Variants in GOLGA3 observed in about 807,000 individuals in gnomAD.
The protein encoded by GOLGA3 is golgin subfamily A member 3.
GOLGA3 carries 75 observed loss-of-function variants against 169.4 expected under a neutral mutation model. The observed-to-expected ratio is 0.44, with a 90% CI of 0.37 to 0.54. The LOEUF is 0.54. Among genes scored for constraint, GOLGA3 ranks in the 20% least tolerant of loss-of-function variants. The pLI is 0.00. For missense variants in GOLGA3, 1,899 were observed against 1,930.0 expected, an observed-to-expected ratio of 0.98 and a Z score of 0.30; for synonymous variants, 824 against 822.4, an observed-to-expected ratio of 1.00 and a Z score of -0.03.
At chr12:132,822,814 C>G (rs921631843) in intron 1 of GOLGA3, among the ~76,000 whole-genome samples, 1 of 152,126 alleles carries the variant, frequency 6.6e-6, no homozygotes, top group Non-Finnish European at 1.5e-5. Flanking sequence ...CCCAGCTACT[C>G]GGGAGGCTGA....
chr12:132,805,667 A>G (rs1248059960), intron 6 of GOLGA3, among the ~76,000 whole-genome samples: 2 of 151,942 alleles, frequency 1.3e-5, no homozygotes, highest in African/African-American at 4.8e-5. Context: ...CCGTCACAGA[A>G]AAAGGCGACT....
intron 11 of GOLGA3, among the ~76,000 whole-genome samples, chr12:132,794,333 TAAAAAAAAAA>T (rs1218754773): frequency 1.5e-5 from 2 of 132,432 alleles, no homozygotes; most frequent in East Asian, 2.2e-4. Context: ...CGTATCTATT[TAAAAAAAAAA>T]AAAAAAAAAA....
rs748018303 is a variant in GOLGA3, at chr12:132,804,960, C to A, written c.1353G>T (p.Ala451=). Residue 451 remains alanine, a synonymous_variant, in exon 7 of 24, where the codon GCG becomes GCT. Transcript: ENST00000450791. The surrounding 1 kb of genome is among the most constrained non-coding windows in gnomAD (Gnocchi z 4.1). ...GGCTGCTGTGGCTGCACTCCACCTGCGCCTGCAGCTTCGTGCTGAGGGCGG... is the reference window on the plus strand; with the variant it reads ...GGCTGCTGTGGCTGCACTCCACCTGAGCCTGCAGCTTCGTGCTGAGGGCGG... ...QLAALSTKLQ[A]QVECSHSSQQ... 6.2e-7 allele frequency: 1 copy of A among 1,613,160 alleles called. No individual in the cohort carries two copies. The highest frequency in any genetic ancestry group is 2.2e-5 in the East Asian group (1 of 44,880).
Position 132,769,420 on chromosome 12 carries a change from A to G in GOLGA3, c.*3685T>C, listed in dbSNP as rs759986856. 3.3e-5 allele frequency: 5 copies of G among 152,248 alleles called. No individual in the cohort carries two copies. The highest frequency in any genetic ancestry group is 7.3e-5 in the Non-Finnish European group (5 of 68,048). The allele number at this position is 152,248 out of a possible 1,614,324, so 9.4% of individuals were successfully genotyped here. On this transcript the variant is annotated 3_prime_UTR_variant, in exon 24 of 24. Coordinates refer to ENST00000450791, the MANE Select transcript of GOLGA3 (RefSeq NM_001389683.1). The stretch of plus-strand genomic sequence containing the variant: ...AAGGAGAGTTGAGGGCCAGCTCCTT[A>G]GCGCAGCACAGCACGGACTGTGTTC...
Position 132,816,691 on chromosome 12 carries a change from G to A in GOLGA3, c.255C>T (p.Thr85=), listed in dbSNP as rs771903256. The change falls in exon 3 of 24, where the codon ACC becomes ACT. Residue 85 remains threonine, a synonymous_variant. Coordinates refer to ENST00000450791, the MANE Select transcript of GOLGA3 (RefSeq NM_001389683.1). ...FPDPPSSLDP[T]TSPVGPDASP... is the part of the protein sequence containing the mutation. ...AGGCATCAGGGCCCACTGGGCTTGT[G>A]GTGGGATCGAGAGACGACGGAGGGT... is the stretch of plus-strand genomic sequence containing the variant. 2.4e-4 allele frequency: 395 copies of A among 1,614,040 alleles called. 1 individual carries two copies. The highest frequency in any genetic ancestry group is 3.3e-4 in the Non-Finnish European group (384 of 1,180,006).
At chr12:132,825,240 C>A (rs1017913983) in intron 1 of GOLGA3, among the ~76,000 whole-genome samples, 1 of 151,924 alleles carries the variant, frequency 6.6e-6, no homozygotes, top group Non-Finnish European at 1.5e-5. Context: ...AAGGAACCGA[C>A]GGTGTGTGCC....
At chr12:132,813,164 A>T (rs1949798485) in intron 4 of GOLGA3, 143 bp downstream of exon 4, 1 of 627,514 alleles carries the variant, frequency 1.6e-6, no homozygotes, top group Non-Finnish European at 2.9e-6. Flanking sequence ...CAATTGGCAG[A>T]TTTAGAAATA....
chr12:132,772,543 C>CCAAA lies in GOLGA3; in HGVS notation c.*561_*562insTTTG, dbSNP rs776077686. The CCAAA allele has an allele frequency of 6.5e-4, 56 of 86,178 alleles. No individual in the cohort carries two copies. The highest frequency in any genetic ancestry group is 2.7e-3 in the African/African-American group (56 of 20,736). 5.3% of individuals were successfully genotyped at this position (86,178 alleles called of 1,614,324 possible). A position where few individuals can be genotyped will look rare whatever the true frequency, so the allele number is the denominator to read the frequency against. ...TGGGCAACAAAGCGAGACTCTGTCT[C>CCAAA]AAAAAAAAAAAAAAAAAAAAAACAA... is the stretch of plus-strand genomic sequence containing the variant. On this transcript the variant is annotated 3_prime_UTR_variant, in exon 24 of 24. Transcript: ENST00000450791.
intron 14 of GOLGA3, 57 bp downstream of exon 14, chr12:132,786,636 C>G (rs181678569): frequency 1.7e-4 from 183 of 1,062,686 alleles, no homozygotes; most frequent in African/African-American, 1.5e-3. Flanking sequence ...GCCTCCCCCC[C>G]GGCCCCCGCA....
chr12:132,780,139 C>T (rs975399493), intron 18 of GOLGA3, among the ~76,000 whole-genome samples: 19 of 134,244 alleles, frequency 1.4e-4, no homozygotes, highest in South Asian at 4.8e-4. Flanking sequence ...CCCAGGCACA[C>T]GTGTGTACAG....
chr12:132,801,840 T>C lies in GOLGA3; in HGVS notation c.1727A>G (p.Gln576Arg), dbSNP rs145557212. 8.7e-4 allele frequency: 1,398 copies of C among 1,609,054 alleles called. 12 individuals are homozygous for C. Among genetic ancestry groups the C allele is most frequent in the South Asian group, 7.2e-3 (659 of 91,078 alleles). Reference sequence around the variant, plus strand: ...CAGGGCGAGCTGCTGCTGGTACCACTGCCGGACACTCTGCAGGGACGAGAT... The same window carrying C: ...CAGGGCGAGCTGCTGCTGGTACCACCGCCGGACACTCTGCAGGGACGAGAT... ...AEISSLQSVRQWYQQQLALAQ... is the reference protein window; with the variant it reads ...AEISSLQSVRRWYQQQLALAQ... Residue 576 changes from glutamine (Q) to arginine (R), a missense_variant, in exon 8 of 24, where the codon CAG (glutamine) becomes CGG (arginine). Gln to Arg is a conservative substitution (Grantham distance 43). Coordinates refer to ENST00000450791, the MANE Select transcript of GOLGA3 (RefSeq NM_001389683.1).
intron 8 of GOLGA3, among the ~76,000 whole-genome samples, chr12:132,800,010 G>T (rs1949055949): frequency 6.6e-6 from 1 of 152,066 alleles, no homozygotes; most frequent in Non-Finnish European, 1.5e-5. Context: ...CAAAGTGCTG[G>T]GATTACAGGC....
chr12:132,786,708 T>C lies in GOLGA3; in HGVS notation c.2891A>G (p.Gln964Arg). 1 of 1,565,722 alleles carries C rather than the reference T, an allele frequency of 6.4e-7. No homozygotes were observed. The highest frequency in any genetic ancestry group is 2.5e-5 in the East Asian group (1 of 40,058). The change falls in exon 14 of 24, where the codon CAG (glutamine) becomes CGG (arginine). Residue 964 changes from glutamine to arginine, a missense_variant. Transcript: ENST00000450791. Reference sequence around the variant, plus strand: ...GCAGACTTACTTCCGGGCCTCTTGCTGCAACTCTTCGATTTGTTTCTTCAG... The same window carrying C: ...GCAGACTTACTTCCGGGCCTCTTGCCGCAACTCTTCGATTTGTTTCTTCAG... ...EALKKQIEELQQEARKAITEQ... is the reference protein window; with the variant it reads ...EALKKQIEELRQEARKAITEQ...
chr12:132,784,242 C>A lies in GOLGA3; in HGVS notation c.3189G>T (p.Lys1063Asn). 6.2e-7 allele frequency: 1 copy of A among 1,611,292 alleles called. No homozygotes were observed. The highest frequency in any genetic ancestry group is 1.1e-5 in the South Asian group (1 of 91,080). The change falls in exon 16 of 24, where the codon AAG becomes AAT. Residue 1063 changes from lysine to asparagine, a missense_variant. By Grantham distance (94) the Lys-to-Asn change is moderately conservative. Coordinates refer to ENST00000450791, the MANE Select transcript of GOLGA3 (RefSeq NM_001389683.1). ...TCAGCGCTATGACCTCCTGCAGTTC[C>A]TTTTCCAGCAGCGTCTTGCTATGAC... ...AVSHSKTLLE[K>N]ELQEVIALTS...
intron 1 of GOLGA3, among the ~76,000 whole-genome samples, chr12:132,827,296 A>C (rs1950462659): frequency 2.0e-5 from 3 of 152,208 alleles, no homozygotes; most frequent in African/African-American, 7.2e-5. Context: ...CAAAGTGAAA[A>C]CCAAAAGCAA....
In GOLGA3 at chr12:132,774,199, T is replaced by C. The variant is rs2045079910; in HGVS notation, c.4265A>G (p.Lys1422Arg). 1.2e-6 allele frequency: 2 copies of C among 1,611,962 alleles called. No homozygotes were observed. Among genetic ancestry groups the C allele is most frequent in the African/African-American group, 2.7e-5 (2 of 74,902 alleles). ...GCTGTTCAGGTTCTTGAGGGGCTCC[T>C]TGCTCACGGCGGGCGGTGGTCTCAG... The part of the protein sequence containing the change: ...ELLRPPPAVS[K>R]EPLKNLNSCL... The change falls in exon 23 of 24, where the codon AAG becomes AGG. Residue 1422 changes from lysine to arginine, a missense_variant. By Grantham distance (26) the Lys-to-Arg change is conservative. Transcript: ENST00000450791.
At chr12:132,794,381 G>A (rs1004886929) in intron 11 of GOLGA3, among the ~76,000 whole-genome samples, 1 of 148,340 alleles carries the variant, frequency 6.7e-6, no homozygotes, top group Non-Finnish European at 1.5e-5. Flanking sequence ...TGCACATTCC[G>A]ACAAGGCCAG....
intron 13 of GOLGA3, among the ~76,000 whole-genome samples, chr12:132,788,136 C>T (rs1027744593): frequency 6.6e-6 from 1 of 152,018 alleles, no homozygotes; most frequent in African/African-American, 2.4e-5. Flanking sequence ...CCTTGGCCCA[C>T]CTCCCCACCC....
Position 132,804,821 on chromosome 12 carries a change from G to C in GOLGA3, c.1492C>G (p.Leu498Val). 6.2e-7 allele frequency: 1 copy of C among 1,614,208 alleles called. No homozygotes were observed. Among genetic ancestry groups the C allele is most frequent in the Non-Finnish European group, 8.5e-7 (1 of 1,180,030 alleles). Residue 498 changes from leucine (L) to valine (V), a missense_variant, in exon 7 of 24, where the codon CTG becomes GTG. Coordinates refer to ENST00000450791, the MANE Select transcript of GOLGA3 (RefSeq NM_001389683.1). The surrounding 1 kb of genome is among the most constrained non-coding windows in gnomAD (Gnocchi z 4.1). ...QNMLEAKNAS[L>V]ASSNNDLQVA... Reference sequence around the variant, plus strand: ...TGCAAGTCGTTGTTGGACGACGCCAGGCTGGCATTTTTTGCCTCCAGCATG... The same window carrying C: ...TGCAAGTCGTTGTTGGACGACGCCACGCTGGCATTTTTTGCCTCCAGCATG...
Sources: allele counts gnomAD v4.1 joint callset (sites outside exome capture counted in the v4.1 genomes callset), GRCh38; gene constraint gnomAD v4.1.1; non-coding constraint Gnocchi (gnomAD v3.1); transcripts MANE v1.5; gene names NCBI Gene and HGNC (gene_info 2026-07-23, HGNC 2026-07-21).